Variants in GIN1 observed in about 807,000 individuals in gnomAD.
The protein encoded by GIN1 is gypsy retrotransposon integrase-like protein 1.
In GIN1, 41 loss-of-function variants were observed where a neutral mutation model predicts 51.4. The observed-to-expected ratio is 0.80, with a 90% CI of 0.62 to 1.04. The LOEUF (loss-of-function observed/expected upper bound fraction) is 1.04, where lower values mean the gene tolerates loss of function less well. GIN1 is among the 50% of genes least tolerant of loss of function. GIN1 has a pLI of 0.00. For missense variants in GIN1, 610 were observed against 612.4 expected, an observed-to-expected ratio of 1.00 and a Z score of 0.04; for synonymous variants, 222 against 206.5, an observed-to-expected ratio of 1.07 and a Z score of -0.64.
At chr5:103,089,083 T>C (rs80134341) in intron 7 of GIN1, among the ~76,000 whole-genome samples, 4,817 of 152,306 alleles carry the variant, frequency 0.032, 107 homozygotes, top group Non-Finnish European at 0.048. Flanking sequence ...TTAGCTTATT[T>C]AAATCTAATT....
At chr5:103,095,213 C>T (rs1182358781) in intron 7 of GIN1, among the ~76,000 whole-genome samples, 1 of 152,148 alleles carries the variant, frequency 6.6e-6, no homozygotes, top group Non-Finnish European at 1.5e-5. Flanking sequence ...GGCTAAGTTA[C>T]TCATTAACTC....
At chr5:103,119,233 T>C (rs1554197997) in intron 1 of GIN1, among the ~76,000 whole-genome samples, 1 of 152,228 alleles carries the variant, frequency 6.6e-6, no homozygotes, top group Non-Finnish European at 1.5e-5. Flanking sequence ...AAGGTTATAA[T>C]ACCCGCTGGT....
Position 103,097,609 on chromosome 5 carries a change from G to T in GIN1, c.812C>A (p.Ala271Asp). The change falls in exon 5 of 8, where the codon GCC (alanine) becomes GAC (aspartate). Residue 271 changes from alanine to aspartate, a missense_variant. Transcript: ENST00000399004. ...WDDHLSAVSFAFNVTHLEPTK... is the reference protein window; with the variant it reads ...WDDHLSAVSFDFNVTHLEPTK... ...ACATACCAAGTGAGTTACATTGAAG[G>T]CAAATGAAACAGCTGATAGGTGATC... 6.2e-7 allele frequency: 1 copy of T among 1,606,162 alleles called. No homozygotes were observed. Among genetic ancestry groups the T allele is most frequent in the African/African-American group, 1.3e-5 (1 of 74,886 alleles).
Position 103,097,510 on chromosome 5 carries a change from C to A in GIN1, c.832-20G>T. 6.7e-7 allele frequency: 1 copy of A among 1,501,554 alleles called. No homozygotes were observed. The highest frequency in any genetic ancestry group is 9.2e-7 in the Non-Finnish European group (1 of 1,089,606). The allele number at this position is 1,501,554 out of a possible 1,614,324, so 93.0% of individuals were successfully genotyped here. A position where few individuals can be genotyped will look rare whatever the true frequency, so the allele number is the denominator to read the frequency against. On this transcript the variant is annotated intron_variant, in intron 5 of 7. Coordinates refer to ENST00000399004, the MANE Select transcript of GIN1 (RefSeq NM_017676.2). ...AGGTTCCTATTTTAAAGAAAATAAACGTCAATTTTGTAATAAAACATTTAT... is the reference window on the plus strand; with the variant it reads ...AGGTTCCTATTTTAAAGAAAATAAAAGTCAATTTTGTAATAAAACATTTAT...
intron 4 of GIN1, among the ~76,000 whole-genome samples, chr5:103,104,267 C>G (rs1787658862): frequency 6.6e-6 from 1 of 152,066 alleles, no homozygotes; most frequent in Non-Finnish European, 1.5e-5. Flanking sequence ...GGTTTTTAAT[C>G]TAGAAGTAAA....
At chr5:103,100,838 G>A (rs1354760843) in intron 4 of GIN1, among the ~76,000 whole-genome samples, 12 of 152,072 alleles carry the variant, frequency 7.9e-5, no homozygotes, top group Non-Finnish European at 4.4e-5. Flanking sequence ...TTAGGGTAAG[G>A]CTCTCCATCA....
intron 1 of GIN1, among the ~76,000 whole-genome samples, chr5:103,114,690 T>C (rs1787980188): frequency 6.6e-6 from 1 of 152,318 alleles, no homozygotes; most frequent in East Asian, 1.9e-4. Context: ...CACACCCTCA[T>C]TGGTACATTC....
At position 103,108,547 on chromosome 5, in the gene GIN1, A is replaced by G. The variant is rs1554196591; in HGVS notation, c.139+22T>C. On this transcript the variant is annotated intron_variant, in intron 2 of 7. Transcript: ENST00000399004. ...GGGAAGAATCTACAACTCAATAATC[A>G]AAATTTGAACATTAATTTTACCTTT... 1.2e-5 allele frequency: 19 copies of G among 1,534,890 alleles called. No individual in the cohort carries two copies. In the South Asian group the frequency reaches 2.1e-4, roughly 17 times the overall value.
At chr5:103,112,158 T>C (rs1404878746) in intron 1 of GIN1, among the ~76,000 whole-genome samples, 1 of 152,074 alleles carries the variant, frequency 6.6e-6, no homozygotes, top group Non-Finnish European at 1.5e-5. Flanking sequence ...ATCAAAGTAG[T>C]GGGAGAAGAC....
intron 7 of GIN1, among the ~76,000 whole-genome samples, chr5:103,094,307 G>A (rs1436528616): frequency 6.6e-6 from 1 of 152,076 alleles, no homozygotes; most frequent in African/African-American, 2.4e-5. Context: ...CAAGCAATAA[G>A]AACCAGATTC....
At chr5:103,104,506 T>C (rs1462041307) in intron 4 of GIN1, 35 bp downstream of exon 4, 1 of 1,023,980 alleles carries the variant, frequency 9.8e-7, no homozygotes, top group African/African-American at 1.6e-5. Context: ...AGAAGTAAGA[T>C]ATGCTCCCAG....
At chr5:103,106,449 C>T (rs1451329914) in intron 3 of GIN1, 10 of 270,340 alleles carry the variant, frequency 3.7e-5, no homozygotes, top group African/African-American at 2.0e-4. Context: ...TCTGCCTACA[C>T]AAAAAAGTTC....
At chr5:103,100,721 G>C (rs576270227) in intron 4 of GIN1, among the ~76,000 whole-genome samples, 1 of 152,094 alleles carries the variant, frequency 6.6e-6, no homozygotes, top group South Asian at 2.1e-4. Context: ...AATTTTCAAA[G>C]TCCTGGTTTG....
rs782660565 is a variant in GIN1 at position 103,104,660 on chromosome 5, T to C, written c.520A>G (p.Ile174Val). The change falls in exon 4 of 8, where the codon ATT becomes GTT. Residue 174 changes from isoleucine to valine, a missense_variant. Physicochemically the swap from Ile to Val is conservative, Grantham distance 29 (BLOSUM62 3). Transcript: ENST00000399004. ...MTDLFTKWIVILPLCDVSASE... is the reference protein window; with the variant it reads ...MTDLFTKWIVVLPLCDVSASE... ...GCTGAAACATCACATAGAGGCAAAATCACAATCCATTTGGTGAACAAATCT... is the reference window on the plus strand; with the variant it reads ...GCTGAAACATCACATAGAGGCAAAACCACAATCCATTTGGTGAACAAATCT... 1.2e-6 allele frequency: 2 copies of C among 1,611,588 alleles called. No homozygotes were observed. The highest frequency in any genetic ancestry group is 8.5e-7 in the Non-Finnish European group (1 of 1,177,768).
intron 1 of GIN1, among the ~76,000 whole-genome samples, chr5:103,111,581 G>A (rs1202076994): frequency 6.6e-6 from 1 of 152,104 alleles, no homozygotes; most frequent in East Asian, 1.9e-4. Context: ...AAAGAAAAGG[G>A]GAGGAGCTTT....
At chr5:103,089,884 T>A (rs1331145512) in intron 7 of GIN1, among the ~76,000 whole-genome samples, 2 of 152,130 alleles carry the variant, frequency 1.3e-5, no homozygotes, top group Non-Finnish European at 2.9e-5. Context: ...TTATAAACTT[T>A]AACAGATCAC....
intron 7 of GIN1, among the ~76,000 whole-genome samples, chr5:103,094,435 T>G (rs562567576): frequency 6.6e-6 from 1 of 152,260 alleles, no homozygotes; most frequent in South Asian, 2.1e-4. Flanking sequence ...TTATTTGTCC[T>G]TATATTACTG....
chr5:103,091,028 A>T (rs1554194485), intron 7 of GIN1, among the ~76,000 whole-genome samples: 1 of 152,230 alleles, frequency 6.6e-6, no homozygotes, highest in East Asian at 1.9e-4. Flanking sequence ...ATCACTTTAT[A>T]CACATAGAAA....
chr5:103,096,780 A>C lies in GIN1; in HGVS notation c.1055T>G (p.Val352Gly). Residue 352 changes from valine (V) to glycine (G), a missense_variant, in exon 7 of 8, where the codon GTT (valine) becomes GGT (glycine). By Grantham distance (109) the Val-to-Gly change is moderately radical. Transcript: ENST00000399004. ...ATTTAATTGTTTGGGTTTCTTTTTA[A>C]CAATGATCTTGCTTTTATTTAGTTC... The part of the protein sequence containing the change: ...LDELNKSKII[V>G]KKKPKQLNPF... 3 of 1,608,314 alleles carry C rather than the reference A, an allele frequency of 1.9e-6. No individual in the cohort carries two copies. Among genetic ancestry groups the C allele is most frequent in the Non-Finnish European group, 2.6e-6 (3 of 1,174,944 alleles).
Sources: allele counts gnomAD v4.1 joint callset (sites outside exome capture counted in the v4.1 genomes callset), GRCh38; gene constraint gnomAD v4.1.1; transcripts MANE v1.5; gene names NCBI Gene and HGNC (gene_info 2026-07-23, HGNC 2026-07-21).